GLIS3: variants seen among roughly 807,000 people sequenced by gnomAD.
The protein encoded by GLIS3 is GLIS family zinc finger 3, also known as zinc finger protein GLIS3.
Under a neutral mutation model 78.6 loss-of-function variants are expected in GLIS3, and 53 were observed. That is an observed-to-expected ratio of 0.67 (90% CI 0.54 to 0.85). The LOEUF (loss-of-function observed/expected upper bound fraction) is 0.85, where lower values mean the gene tolerates loss of function less well. Among genes scored for constraint, GLIS3 ranks in the 40% least tolerant of loss-of-function variants. The pLI, the probability that GLIS3 is intolerant of heterozygous loss-of-function variation, is 0.00. For missense variants in GLIS3, 1,703 were observed against 1,231.1 expected, an observed-to-expected ratio of 1.38 and a Z score of -5.74; for synonymous variants, 684 against 509.9, an observed-to-expected ratio of 1.34 and a Z score of -4.60.
At chr9:4,286,855 T>C (rs1485086957) in intron 1 of GLIS3, among the ~76,000 whole-genome samples, 3 of 152,196 alleles carry the variant, frequency 2.0e-5, no homozygotes, top group African/African-American at 7.2e-5. Context: ...TCCATACTAG[T>C]TCACTTTTGC....
chr9:3,879,119 C>A (rs76657728), intron 8 of GLIS3, among the ~76,000 whole-genome samples: 7 of 152,056 alleles, frequency 4.6e-5, no homozygotes, highest in Admixed American at 6.6e-5. Context: ...TATACATTAC[C>A]TTAAAATTGG....
At chr9:4,202,140 C>T (rs10974388) in intron 2 of GLIS3, among the ~76,000 whole-genome samples, 3 of 111,906 alleles carry the variant, frequency 2.7e-5, no homozygotes, top group African/African-American at 7.1e-5. Context: ...TCTTTTTTTT[C>T]TCCCCCTTTT....
chr9:4,025,447 G>C (rs937918904), intron 4 of GLIS3, among the ~76,000 whole-genome samples: 1 of 152,016 alleles, frequency 6.6e-6, no homozygotes, highest in Non-Finnish European at 1.5e-5. Context: ...GAGTGGGGTG[G>C]CGTGATCTTG....
chr9:4,229,644 T>G (rs933046804), intron 2 of GLIS3, among the ~76,000 whole-genome samples: 1 of 152,366 alleles, frequency 6.6e-6, no homozygotes, highest in African/African-American at 2.4e-5. Context: ...TTATTAACAT[T>G]TGCTTTTTAA....
intron 4 of GLIS3, among the ~76,000 whole-genome samples, chr9:3,953,795 C>CTCTCTCTCTCTCTCTA (rs1403671770): frequency 8.2e-5 from 6 of 73,322 alleles, no homozygotes; most frequent in African/African-American, 2.8e-4. Flanking sequence ...CTCTCTCTCT[C>CTCTCTCTCTCTCTCTA]TATATATATA....
At chr9:4,334,192 T>G (rs1203206944) in intron 2 of GLIS3, among the ~76,000 whole-genome samples, 1 of 152,230 alleles carries the variant, frequency 6.6e-6, no homozygotes, top group Non-Finnish European at 1.5e-5. Flanking sequence ...GTAAAGAAAC[T>G]GAGTAAAGGG....
chr9:4,267,983 A>ATGTGTGTG (rs1826171181), intron 2 of GLIS3, among the ~76,000 whole-genome samples: 1 of 149,810 alleles, frequency 6.7e-6, no homozygotes, highest in East Asian at 2.0e-4. Flanking sequence ...GTGTATGTGC[A>ATGTGTGTG]TGTGTATATA....
intron 4 of GLIS3, among the ~76,000 whole-genome samples, chr9:4,048,674 T>C (rs1825458380): frequency 6.6e-6 from 1 of 152,104 alleles, no homozygotes; most frequent in South Asian, 2.1e-4. Context: ...CAGCATCTCT[T>C]CCAGCACTGA....
At chr9:4,075,411 CAAA>C (rs59194808) in intron 4 of GLIS3, among the ~76,000 whole-genome samples, 7 of 118,188 alleles carry the variant, frequency 5.9e-5, no homozygotes, top group Non-Finnish European at 1.0e-4. Context: ...ACTAAAAATA[CAAA>C]AAAAAAAAAA....
At chr9:4,206,371 G>C (rs941275290) in intron 2 of GLIS3, among the ~76,000 whole-genome samples, 1 of 152,194 alleles carries the variant, frequency 6.6e-6, no homozygotes, top group African/African-American at 2.4e-5. Context: ...CCAAATTGCA[G>C]TATATGAAGA....
intron 6 of GLIS3, among the ~76,000 whole-genome samples, chr9:3,911,913 A>G (rs1256921608): frequency 2.0e-5 from 3 of 152,026 alleles, no homozygotes; most frequent in Non-Finnish European, 2.9e-5. Context: ...TTTTTCTCCA[A>G]CCCACTTTTT....
chr9:4,397,229 T>G, the GLIS3 span, among the ~76,000 whole-genome samples: 19,666 of 126,576 alleles, frequency 0.16, 2,384 homozygotes, highest in East Asian at 0.3. Context: ...GTTTCACCGT[T>G]TTAGCCGGGA....
At chr9:4,119,129 G>T (rs1831991672) in intron 3 of GLIS3, among the ~76,000 whole-genome samples, 1 of 152,094 alleles carries the variant, frequency 6.6e-6, no homozygotes, top group South Asian at 2.1e-4. Flanking sequence ...AAGATCTATT[G>T]TTATAAATAA....
chr9:4,345,841 C>T (rs1309505625), intron 2 of GLIS3, among the ~76,000 whole-genome samples: 1 of 152,152 alleles, frequency 6.6e-6, no homozygotes, highest in Non-Finnish European at 1.5e-5. Flanking sequence ...GGGAGTAAGG[C>T]AGGGAATGAC....
At chr9:4,253,293 C>G (rs1255988393) in intron 2 of GLIS3, among the ~76,000 whole-genome samples, 2 of 152,246 alleles carry the variant, frequency 1.3e-5, no homozygotes, top group African/African-American at 4.8e-5. Context: ...TGCTGCCTTT[C>G]TTTAGAGATA....
intron 2 of GLIS3, among the ~76,000 whole-genome samples, chr9:4,242,680 T>C (rs1393218088): frequency 2.0e-5 from 3 of 152,194 alleles, no homozygotes; most frequent in African/African-American, 7.2e-5. Context: ...TAACTGCATG[T>C]GGCCACTGGG....
At chr9:4,023,421 C>T (rs1823048542) in intron 4 of GLIS3, among the ~76,000 whole-genome samples, 1 of 152,114 alleles carries the variant, frequency 6.6e-6, no homozygotes, top group Non-Finnish European at 1.5e-5. Flanking sequence ...CTAGCTTGGC[C>T]ATCAGACCCC....
chr9:4,251,436 T>C (rs1212439764), intron 2 of GLIS3, among the ~76,000 whole-genome samples: 1 of 151,704 alleles, frequency 6.6e-6, no homozygotes, highest in Non-Finnish European at 1.5e-5. Context: ...AATCTTTTTT[T>C]TTTTTTTTTG....
At chr9:4,369,199 A>T in the GLIS3 span, among the ~76,000 whole-genome samples, 1 of 152,078 alleles carries the variant, frequency 6.6e-6, no homozygotes, top group Admixed American at 6.6e-5. Flanking sequence ...ATAATGTCTG[A>T]TGGATTACTC....
Sources: gnomAD v4.1 joint callset for allele counts (sites outside exome capture counted in the v4.1 genomes callset) on GRCh38, gnomAD v4.1.1 for gene constraint, MANE v1.5 for transcripts, NCBI Gene and HGNC (gene_info 2026-07-23, HGNC 2026-07-21) for gene names.